Variants in LRIT3 observed in about 807,000 individuals in gnomAD.
LRIT3 encodes the protein leucine rich repeat, Ig-like and transmembrane domains 3.
LRIT3 carries 14 observed loss-of-function variants against 22.6 expected under a neutral mutation model. That is an observed-to-expected ratio of 0.62 (90% CI 0.41 to 0.97). LRIT3 has a LOEUF of 0.97. Among genes scored for constraint, LRIT3 ranks in the 50% least tolerant of loss-of-function variants. The probability of loss-of-function intolerance (pLI) is 0.00; values close to 1 mark genes in which losing one functional copy is unlikely to be tolerated. For missense variants in LRIT3, 783 were observed against 803.0 expected (o/e 0.98, Z 0.30); for synonymous variants, 306 against 304.5 (o/e 1.01, Z -0.05).
chr4:109,850,342 G>C (rs1376201111), intron 1 of LRIT3, among the ~76,000 whole-genome samples: 4 of 147,378 alleles, frequency 2.7e-5, no homozygotes, highest in Non-Finnish European at 5.9e-5. Context: ...ATTTACACAT[G>C]GGACAGTGTT....
At chr4:109,859,353 G>C (rs1654582803) in intron 2 of LRIT3, among the ~76,000 whole-genome samples, 1 of 152,210 alleles carries the variant, frequency 6.6e-6, no homozygotes, top group African/African-American at 2.4e-5. Flanking sequence ...CATAACATCT[G>C]TATGCAGAAG....
At chr4:109,864,057 G>A (rs936461058) in intron 2 of LRIT3, among the ~76,000 whole-genome samples, 2 of 152,130 alleles carry the variant, frequency 1.3e-5, no homozygotes, top group Non-Finnish European at 2.9e-5. Flanking sequence ...AATTTGATGT[G>A]CTGGCAGATT....
rs993637219 is a variant in LRIT3, at chr4:109,848,338, CT to C, written c.116+22del. On this transcript the variant is annotated intron_variant, in intron 1 of 3. Coordinates refer to ENST00000594814, the MANE Select transcript of LRIT3 (RefSeq NM_198506.5). ...TCAAGGTATGCTCCTCTGCTTGTTA[CT>C]AAGTGTTCTCATTATTTTGACAAAA... 3.4e-6 allele frequency: 4 copies of C among 1,181,718 alleles called. No individual in the cohort carries two copies. The African/African-American group carries it at 6.3e-5, about 19-fold the overall frequency. The allele number at this position is 1,181,718 out of a possible 1,614,324, so 73.2% of individuals were successfully genotyped here. A position where few individuals can be genotyped will look rare whatever the true frequency, so the allele number is the denominator to read the frequency against.
At chr4:109,850,298 A>C (rs1734177576) in intron 1 of LRIT3, among the ~76,000 whole-genome samples, 1 of 152,020 alleles carries the variant, frequency 6.6e-6, no homozygotes, top group Non-Finnish European at 1.5e-5. Context: ...CCAGGCTAAA[A>C]TGAATCTAAA....
At chr4:109,855,160 A>G (rs1454530416) in intron 2 of LRIT3, among the ~76,000 whole-genome samples, 1 of 152,046 alleles carries the variant, frequency 6.6e-6, no homozygotes, top group Admixed American at 6.6e-5. Context: ...CTGTGAATCC[A>G]TCTGGTCCTG....
Position 109,851,767 on chromosome 4 carries a change from A to G in LRIT3, c.380A>G (p.Asp127Gly). Residue 127 changes from aspartate (D) to glycine (G), a missense_variant, in exon 2 of 4, where the codon GAC (aspartate) becomes GGC (glycine). Physicochemically the swap from Asp to Gly is moderately conservative, Grantham distance 94. Transcript: ENST00000594814. ...GCTTTCCCTTGGGCATCTCTGCTGGACATGCCCCTTCTGAGGACCCTGGAC... is the reference window on the plus strand; with the variant it reads ...GCTTTCCCTTGGGCATCTCTGCTGGGCATGCCCCTTCTGAGGACCCTGGAC... ...LAAFPWASLL[D>G]MPLLRTLDLH... 1.9e-6 allele frequency: 3 copies of G among 1,551,754 alleles called. No homozygotes were observed. Among genetic ancestry groups the G allele is most frequent in the East Asian group, 2.4e-5 (1 of 40,908 alleles).
At chr4:109,869,370 A>G (rs1321912587) in intron 3 of LRIT3, among the ~76,000 whole-genome samples, 1 of 152,228 alleles carries the variant, frequency 6.6e-6, no homozygotes, top group Non-Finnish European at 1.5e-5. Context: ...TTAGTGGGCA[A>G]AAGTTTCTAA....
At chr4:109,869,566 A>G (rs1451932568) in intron 3 of LRIT3, 79 bp from the exon 4 acceptor site, 3 of 1,342,336 alleles carry the variant, frequency 2.2e-6, no homozygotes, top group Non-Finnish European at 3.1e-6. Flanking sequence ...TAGAGTGGAT[A>G]GTTGTTTCCT....
intron 1 of LRIT3, 66 bp downstream of exon 1, chr4:109,848,383 C>A: frequency 2.2e-6 from 2 of 890,216 alleles, no homozygotes; most frequent in Non-Finnish European, 3.0e-6. Flanking sequence ...AACAAGAAAG[C>A]CTACTTTTGA....
intron 2 of LRIT3, among the ~76,000 whole-genome samples, chr4:109,857,799 A>G (rs1734438859): frequency 6.6e-6 from 1 of 152,218 alleles, no homozygotes; most frequent in Admixed American, 6.5e-5. Context: ...CTGAACTAAC[A>G]CAATCCTTCC....
In LRIT3 at chr4:109,865,364, A is replaced by T; in HGVS notation, c.590-2277A>T. 2.8e-6 allele frequency: 4 copies of T among 1,408,036 alleles called. No individual in the cohort carries two copies. The South Asian group carries it at 4.8e-5, about 17-fold the overall frequency. 87.2% of individuals were successfully genotyped at this position (1,408,036 alleles called of 1,614,324 possible). ...CATATCAGGTCAACTAATACGTACA[A>T]TAATGACTGAATATCTAATGTGGTA... On this transcript the variant is annotated intron_variant, in intron 2 of 3. Coordinates refer to ENST00000594814, the MANE Select transcript of LRIT3 (RefSeq NM_198506.5).
At chr4:109,869,605 C>T (rs750856339) in intron 3 of LRIT3, 40 bp from the exon 4 acceptor site, 4 of 1,510,204 alleles carry the variant, frequency 2.6e-6, no homozygotes. Flanking sequence ...CTTGAATTTT[C>T]TTTTTGTTCC....
intron 3 of LRIT3, among the ~76,000 whole-genome samples, chr4:109,868,622 A>G (rs575102046): frequency 1.3e-5 from 2 of 152,014 alleles, no homozygotes; most frequent in South Asian, 4.2e-4. Context: ...AATTATTTAA[A>G]TAATAAATTA....
Position 109,848,246 on chromosome 4 carries a change from A to G in LRIT3, c.45A>G (p.Glu15=). 8.1e-7 allele frequency: 1 copy of G among 1,232,130 alleles called. No homozygotes were observed. The allele number at this position is 1,232,130 out of a possible 1,614,324, so 76.3% of individuals were successfully genotyped here. A position where few individuals can be genotyped will look rare whatever the true frequency, so the allele number is the denominator to read the frequency against. ...ACLCIVLSFL[E]GVGCLCPSQC... is the part of the protein sequence containing the mutation. The stretch of plus-strand genomic sequence containing the variant: ...TGTGCATTGTCCTTAGCTTTTTGGA[A>G]GGAGTGGGCTGTTTGTGTCCTTCAC... The change falls in exon 1 of 4, where the codon GAA becomes GAG. Residue 15 remains glutamate, a synonymous_variant. Coordinates refer to ENST00000594814, the MANE Select transcript of LRIT3 (RefSeq NM_198506.5).
At chr4:109,862,021 G>A (rs375592482) in intron 2 of LRIT3, among the ~76,000 whole-genome samples, 3 of 152,252 alleles carry the variant, frequency 2.0e-5, no homozygotes, top group East Asian at 1.9e-4. Context: ...TTGCAAACAC[G>A]TGTCCACTTG....
At chr4:109,856,131 C>T (rs922490956) in intron 2 of LRIT3, among the ~76,000 whole-genome samples, 1 of 152,152 alleles carries the variant, frequency 6.6e-6, no homozygotes, top group East Asian at 1.9e-4. Context: ...AGGCTCTCTG[C>T]AGGGGGAAGC....
intron 2 of LRIT3, 34 bp downstream of exon 2, chr4:109,852,010 A>T (rs767092202): frequency 4.7e-6 from 7 of 1,482,724 alleles, no homozygotes; most frequent in Middle Eastern, 1.8e-4. Context: ...TTTCATCTAT[A>T]GTTACTTTGC....
intron 1 of LRIT3, among the ~76,000 whole-genome samples, chr4:109,850,422 C>CCTTTCTTTCTTTCTTTCTTTCTTT (rs1251866042): frequency 3.8e-4 from 21 of 55,078 alleles, no homozygotes; most frequent in African/African-American, 1.4e-3. Flanking sequence ...TTCCTTCCTT[C>CCTTTCTTTCTTTCTTTCTTTCTTT]CTTTCTTTCT....
At chr4:109,867,492 CA>C in intron 2 of LRIT3, 148 bp from the exon 3 acceptor site, 7 of 674,202 alleles carry the variant, frequency 1.0e-5, no homozygotes, top group Non-Finnish European at 1.5e-5. Flanking sequence ...GATTGCAGAG[CA>C]AAACTGACAT....
Sources: allele counts gnomAD v4.1 joint callset (sites outside exome capture counted in the v4.1 genomes callset), GRCh38; gene constraint gnomAD v4.1.1; transcripts MANE v1.5; gene names NCBI Gene and HGNC (gene_info 2026-07-23, HGNC 2026-07-21).